ENGASE: variants seen among roughly 807,000 people sequenced by gnomAD.
ENGASE encodes cytosolic endo-beta-N-acetylglucosaminidase.
In ENGASE, 69 loss-of-function variants were observed where a neutral mutation model predicts 78.5. The ratio of observed to expected loss-of-function variants is 0.88; its 90% CI spans 0.72 to 1.07. ENGASE has a LOEUF of 1.07. ENGASE is among the 50% of genes least tolerant of loss of function. The pLI, the probability that ENGASE is intolerant of heterozygous loss-of-function variation, is 0.00. For missense variants in ENGASE, 943 were observed against 988.4 expected (o/e 0.95, Z 0.62); for synonymous variants, 408 against 408.9 (o/e 1.00, Z 0.03).
At position 79,083,770 on chromosome 17, in the gene ENGASE, G is replaced by T; in HGVS notation, c.1261G>T (p.Val421Leu). The T allele has an allele frequency of 6.2e-7, 1 of 1,609,110 alleles. No individual in the cohort carries two copies. Among genetic ancestry groups the T allele is most frequent in the Non-Finnish European group, 8.5e-7 (1 of 1,177,604 alleles). Residue 421 changes from valine (V) to leucine (L), a missense_variant, in exon 10 of 14, where the codon GTA becomes TTA. By Grantham distance (32) the Val-to-Leu change is conservative. Coordinates refer to ENST00000579016, the MANE Select transcript of ENGASE (RefSeq NM_001042573.3). This position sits in a 1 kb window ranked among gnomAD's most constrained non-coding sequence, Gnocchi z 4.9. ...RRVCYGQEEA[V>L]GPWYHLSAQE... Reference sequence around the variant, plus strand: ...CTGCCCTTTTCTTCAGGAAGAGGCGGTAGGGCCCTGGTACCACCTGAGCGC... The same window carrying T: ...CTGCCCTTTTCTTCAGGAAGAGGCGTTAGGGCCCTGGTACCACCTGAGCGC...
At position 79,081,011 on chromosome 17, in the gene ENGASE, G is replaced by C. The variant is rs949042824; in HGVS notation, c.810G>C (p.Trp270Cys). The change falls in exon 6 of 14, where the codon TGG becomes TGC. Residue 270 changes from tryptophan (W) to cysteine (C), a missense_variant. Trp to Cys is a radical substitution (Grantham distance 215, BLOSUM62 -2). Coordinates refer to ENST00000579016, the MANE Select transcript of ENGASE (RefSeq NM_001042573.3). Reference sequence around the variant, plus strand: ...AGGTCCCAGGGGGCCTGGTGCTCTGGTATGACAGCGTGGTGCAAAGTGGGC... The same window carrying C: ...AGGTCCCAGGGGGCCTGGTGCTCTGCTATGACAGCGTGGTGCAAAGTGGGC... ...HRQVPGGLVL[W>C]YDSVVQSGQL... 2.5e-6 allele frequency: 4 copies of C among 1,607,908 alleles called. No homozygotes were observed. The highest frequency in any genetic ancestry group is 3.4e-6 in the Non-Finnish European group (4 of 1,176,916).
In ENGASE at chr17:79,084,665, G is replaced by A. The variant is rs745486379; in HGVS notation, c.1570G>A (p.Gly524Ser). 5.6e-6 allele frequency: 9 copies of A among 1,613,208 alleles called. No individual in the cohort carries two copies. Among genetic ancestry groups the A allele is most frequent in the Admixed American group, 1.7e-5 (1 of 59,850 alleles). ...TTGDAGSCHI[G>S]GISVLNAETS... ...AGGGGATGCCGGCAGCTGCCACATC[G>A]GTGGCATCTCAGTGTTGAACGGTGA... is the stretch of plus-strand genomic sequence containing the variant. The change falls in exon 11 of 14, where the codon GGT becomes AGT. Residue 524 changes from glycine (G) to serine (S), a missense_variant. Transcript: ENST00000579016.
Position 79,086,814 on chromosome 17 carries a change from G to A in ENGASE, c.*465G>A, listed in dbSNP as rs1040649309. On this transcript the variant is annotated 3_prime_UTR_variant, in exon 14 of 14. Transcript: ENST00000579016. ...CCGAGACATTTCTGAGCATGAGGAC[G>A]AGCTACAGCAGCTCCTGGGGTGGGG... 1.0e-5 allele frequency: 4 copies of A among 395,542 alleles called. No individual in the cohort carries two copies. Among genetic ancestry groups the A allele is most frequent in the East Asian group, 7.2e-5 (1 of 13,912 alleles). 24.5% of individuals were successfully genotyped at this position (395,542 alleles called of 1,614,324 possible). A position where few individuals can be genotyped will look rare whatever the true frequency, so the allele number is the denominator to read the frequency against.
At position 79,083,922 on chromosome 17, in the gene ENGASE, C is replaced by T; in HGVS notation, c.1413C>T (p.Ile471=). The T allele has an allele frequency of 6.2e-7, 1 of 1,610,958 alleles. No homozygotes were observed. The highest frequency in any genetic ancestry group is 8.5e-7 in the Non-Finnish European group (1 of 1,179,794). ...GCTCCCTGCTCGTCCGGGGTGTGAT[C>T]CCACCGGAGGTTGGAAATGTGGCTG... is the stretch of plus-strand genomic sequence containing the variant. The part of the protein sequence containing the change: ...GGSSLLVRGV[I]PPEVGNVAVR... Residue 471 remains isoleucine, a synonymous_variant, in exon 10 of 14, where the codon ATC becomes ATT. Coordinates refer to ENST00000579016, the MANE Select transcript of ENGASE (RefSeq NM_001042573.3). This position sits in a 1 kb window ranked among gnomAD's most constrained non-coding sequence, Gnocchi z 4.9.
chr17:79,079,740 C>G, intron 4 of ENGASE, 103 bp downstream of exon 4: 1 of 1,464,120 alleles, frequency 6.8e-7, no homozygotes, highest in Non-Finnish European at 9.1e-7. Flanking sequence ...TCTCAGTGCC[C>G]AGAGCCCCTC....
In ENGASE at chr17:79,084,560, G is replaced by A; in HGVS notation, c.1465G>A (p.Val489Met). 6.3e-7 allele frequency: 1 copy of A among 1,590,950 alleles called. No individual in the cohort carries two copies. The highest frequency in any genetic ancestry group is 1.1e-5 in the South Asian group (1 of 87,358). The change falls in exon 11 of 14, where the codon GTG becomes ATG. Residue 489 changes from valine (V) to methionine (M), a missense_variant. Physicochemically the swap from Val to Met is conservative, Grantham distance 21. Coordinates refer to ENST00000579016, the MANE Select transcript of ENGASE (RefSeq NM_001042573.3). ...AVRLFSLQAP[V>M]PPKIYLSMVY... ...CAGGTTATTTTCCCTGCAGGCCCCAGTGCCACCCAAGATTTACCTGTCCAT... is the reference window on the plus strand; with the variant it reads ...CAGGTTATTTTCCCTGCAGGCCCCAATGCCACCCAAGATTTACCTGTCCAT...
At chr17:79,082,768 T>C (rs546816063) in intron 7 of ENGASE, 47 of 1,462,262 alleles carry the variant, frequency 3.2e-5, no homozygotes, top group South Asian at 2.2e-4. Flanking sequence ...CCACAGCCAG[T>C]TGGGGCCCAG....
Position 79,084,089 on chromosome 17 carries a change from C to A in ENGASE, c.1442+138C>A, listed in dbSNP as rs74001529. 4.9e-3 allele frequency: 3,499 copies of A among 715,178 alleles called. 83 individuals are homozygous for A. In the African/African-American group the frequency reaches 0.052, roughly 11 times the overall value. 44.3% of individuals were successfully genotyped at this position (715,178 alleles called of 1,614,324 possible). Reference sequence around the variant, plus strand: ...CAGATGGGTTTTTTAAAATTGTGATCAAAAATGCATTAACGTGAAATTCAC... The same window carrying A: ...CAGATGGGTTTTTTAAAATTGTGATAAAAAATGCATTAACGTGAAATTCAC... On this transcript the variant is annotated intron_variant, in intron 10 of 13. Transcript: ENST00000579016.
At position 79,080,409 on chromosome 17, in the gene ENGASE, G is replaced by A. The variant is rs544865767; in HGVS notation, c.723+45G>A. On this transcript the variant is annotated intron_variant, in intron 5 of 13. Transcript: ENST00000579016. ...CCACCTCCCCGCCCCTTGCTGTGTTGCCGCCCACCTCCACCTCTTTCCTGC... is the reference window on the plus strand; with the variant it reads ...CCACCTCCCCGCCCCTTGCTGTGTTACCGCCCACCTCCACCTCTTTCCTGC... The A allele has an allele frequency of 2.5e-5, 39 of 1,587,586 alleles. No individual in the cohort carries two copies. The Admixed American group carries it at 6.4e-4, about 26-fold the overall frequency.
intron 1 of ENGASE, chr17:79,075,946 A>G: frequency 2.1e-6 from 2 of 967,938 alleles, no homozygotes; most frequent in African/African-American, 3.5e-5. Context: ...GCTGAAGTAT[A>G]ATAAGGACAT....
rs1418772523 is a variant in ENGASE, at chr17:79,077,680, G to A, written c.232G>A (p.Asp78Asn). Residue 78 changes from aspartate to asparagine, a missense_variant, in exon 3 of 14, where the codon GAC becomes AAC. Transcript: ENST00000579016. ...DPLPVRYYDK[D>N]TTKPISFYLS... is the part of the protein sequence containing the mutation. The stretch of plus-strand genomic sequence containing the variant: ...CGGACCAGTTAGATATTATGACAAG[G>A]ACACCACCAAACCAATCAGCTTTTA... 2 of 1,614,058 alleles carry A rather than the reference G, an allele frequency of 1.2e-6. No homozygotes were observed. Among genetic ancestry groups the A allele is most frequent in the Non-Finnish European group, 1.7e-6 (2 of 1,180,050 alleles).
chr17:79,074,983 A>G lies in ENGASE; in HGVS notation c.39A>G (p.Thr13=), dbSNP rs1309091735. The change falls in exon 1 of 14, where the codon ACA becomes ACG. Residue 13 remains threonine, a synonymous_variant. Transcript: ENST00000579016. ...AAAVTVTRSA[T]RRRRRQLQGL... Reference sequence around the variant, plus strand: ...CGGTGACGGTCACCCGGTCGGCTACACGGCGGCGGCGGCGGCAGCTGCAGG... The same window carrying G: ...CGGTGACGGTCACCCGGTCGGCTACGCGGCGGCGGCGGCGGCAGCTGCAGG... 3.3e-6 allele frequency: 4 copies of G among 1,230,058 alleles called. No individual in the cohort carries two copies. In the African/African-American group the frequency reaches 6.2e-5, roughly 19 times the overall value. The allele number at this position is 1,230,058 out of a possible 1,614,324, so 76.2% of individuals were successfully genotyped here.
intron 5 of ENGASE, 81 bp from the exon 6 acceptor site, chr17:79,080,844 C>T: frequency 6.8e-7 from 1 of 1,480,460 alleles, no homozygotes; most frequent in Non-Finnish European, 8.9e-7. Context: ...CTGCATCCCC[C>T]TGTCTGTCCA....
chr17:79,077,531 C>T (rs749110509), intron 2 of ENGASE, 34 bp downstream of exon 2: 9 of 1,546,486 alleles, frequency 5.8e-6, no homozygotes, highest in Non-Finnish European at 7.0e-6. Context: ...ACCGATCCAC[C>T]TTCACACCTG....
chr17:79,085,348 T>G lies in ENGASE; in HGVS notation c.1700+6T>G. The G allele has an allele frequency of 6.3e-7, 1 of 1,594,666 alleles. No homozygotes were observed. Among genetic ancestry groups the G allele is most frequent in the Non-Finnish European group, 8.6e-7 (1 of 1,168,192 alleles). On this transcript the variant is annotated splice_donor_region_variant and intron_variant, in intron 12 of 13. Coordinates refer to ENST00000579016, the MANE Select transcript of ENGASE (RefSeq NM_001042573.3). ...AGTGGGGGCTGGGTCCAGCAGTAAG[T>G]CCCTCTGCTTCTTCACGTCCTTCTC...
At chr17:79,084,801 A>T in intron 11 of ENGASE, 115 bp downstream of exon 11, 1 of 1,198,224 alleles carries the variant, frequency 8.3e-7, no homozygotes, top group Admixed American at 2.3e-5. Flanking sequence ...GGGGGGGTAC[A>T]TCCTGCCTTT....
Position 79,083,928 on chromosome 17 carries a change from G to C in ENGASE, c.1419G>C (p.Pro473=). 1.2e-6 allele frequency: 2 copies of C among 1,610,546 alleles called. No individual in the cohort carries two copies. ...SSLLVRGVIP[P]EVGNVAVRLF... is the part of the protein sequence containing the mutation. ...TGCTCGTCCGGGGTGTGATCCCACC[G>C]GAGGTTGGAAATGTGGCTGTGAGGT... The change falls in exon 10 of 14, where the codon CCG becomes CCC. Residue 473 remains proline, a synonymous_variant. Coordinates refer to ENST00000579016, the MANE Select transcript of ENGASE (RefSeq NM_001042573.3). The surrounding 1 kb of genome is among the most constrained non-coding windows in gnomAD (Gnocchi z 4.9).
At chr17:79,081,197 T>C (rs2073126808) in intron 6 of ENGASE, 124 bp downstream of exon 6, 12 of 1,262,632 alleles carry the variant, frequency 9.5e-6, no homozygotes, top group South Asian at 6.3e-5. Context: ...TATGACTGCA[T>C]TGGGTAAAAA....
At chr17:79,075,625 G>C (rs2072950495) in intron 1 of ENGASE, 1 of 918,994 alleles carries the variant, frequency 1.1e-6, no homozygotes, top group Non-Finnish European at 1.3e-6. Flanking sequence ...ATGCCCCTCT[G>C]GGCTGGGCTT....
Sources: gnomAD v4.1 joint callset for allele counts on GRCh38, gnomAD v4.1.1 for gene constraint, Gnocchi (gnomAD v3.1) non-coding constraint, MANE v1.5 for transcripts, NCBI Gene and HGNC (gene_info 2026-07-23, HGNC 2026-07-21) for gene names.